The following FAM184A variants were observed in gnomAD, a reference collection of about 807,000 sequenced individuals.
FAM184A encodes the protein family with sequence similarity 184 member A.
A neutral mutation model predicts 143.8 loss-of-function variants in FAM184A; 99 were observed. The observed-to-expected ratio is 0.69, with a 90% CI of 0.58 to 0.81. The LOEUF (loss-of-function observed/expected upper bound fraction) is 0.81, where lower values mean the gene tolerates loss of function less well. Ranked by LOEUF, FAM184A falls within the 40% of genes least tolerant of loss-of-function variation. The pLI is 0.00. For missense variants in FAM184A, 1,217 were observed against 1,310.5 expected, an observed-to-expected ratio of 0.93 and a Z score of 1.10; for synonymous variants, 427 against 446.4, an observed-to-expected ratio of 0.96 and a Z score of 0.55.
chr6:119,099,709 A>C (rs528191772), intron 1 of FAM184A, among the ~76,000 whole-genome samples: 2 of 152,272 alleles, frequency 1.3e-5, no homozygotes, highest in South Asian at 4.1e-4. Flanking sequence ...GCAAGAGGAC[A>C]GGTTATGGGG....
chr6:119,142,956 A>C (rs1437141016), intron 1 of FAM184A, among the ~76,000 whole-genome samples: 1 of 152,188 alleles, frequency 6.6e-6, no homozygotes, highest in Non-Finnish European at 1.5e-5. Context: ...GATGGCAAAC[A>C]ATGGCGATAT....
At position 119,145,097 on chromosome 6, in the gene FAM184A, T is replaced by C. The variant is rs567002936; in HGVS notation, c.-202+3981A>G. On this transcript the variant is annotated intron_variant, in intron 1 of 16. Coordinates refer to the FAM184A transcript ENST00000352896. Reference sequence around the variant, plus strand: ...CCTTGTGCTGTAGCTGCAGCTGGTTTGTTCTTGAGTGGCACTGGCCAGAGA... The same window carrying C: ...CCTTGTGCTGTAGCTGCAGCTGGTTCGTTCTTGAGTGGCACTGGCCAGAGA... Among the ~76,000 whole-genome samples the C allele has an allele frequency of 1.2e-4, 19 of 152,314 alleles. 1 individual carries two copies. In the South Asian group the frequency reaches 3.9e-3, roughly 32 times the overall value.
chr6:119,058,229 G>A (rs184878371), intron 1 of FAM184A, among the ~76,000 whole-genome samples: 1 of 140,434 alleles, frequency 7.1e-6, no homozygotes, highest in East Asian at 2.1e-4. Context: ...TGTCGCCCAG[G>A]CTGGAGAGCA....
At position 119,068,665 on chromosome 6, in the gene FAM184A, G is replaced by C. The variant is rs1436624156; in HGVS notation, c.159+9476C>G. 2.0e-5 allele frequency among the ~76,000 whole-genome samples: 3 copies of C among 152,106 alleles called. No homozygotes were observed. In the East Asian group the frequency reaches 5.8e-4, roughly 29 times the overall value. On this transcript the variant is annotated intron_variant, in intron 1 of 17. Transcript: ENST00000338891. ...CTGCCTCACTGGGCCGTTTGGCTCT[G>C]GGAACAATGTGGCTCTCCGGCTGCC...
chr6:119,050,538 G>A (rs1037851970), intron 1 of FAM184A, among the ~76,000 whole-genome samples: 5 of 152,020 alleles, frequency 3.3e-5, no homozygotes, highest in Non-Finnish European at 5.9e-5. Flanking sequence ...CGGGCGCGGT[G>A]GCTCACGCCT....
intron 5 of FAM184A, among the ~76,000 whole-genome samples, chr6:119,016,512 T>G (rs1182614737): frequency 1.3e-5 from 2 of 151,784 alleles, no homozygotes; most frequent in African/African-American, 4.8e-5. Context: ...GGTCTGCAGC[T>G]TCACTCCTGA....
intron 1 of FAM184A, among the ~76,000 whole-genome samples, chr6:119,101,750 C>G (rs1412516142): frequency 6.6e-6 from 1 of 152,062 alleles, no homozygotes; most frequent in Non-Finnish European, 1.5e-5. Flanking sequence ...TAAAGACACA[C>G]AAAAAATTAA....
In FAM184A at chr6:119,096,642, CAAAAAAAAAAA is replaced by C. The variant is rs763619775; in HGVS notation, c.-202+52425_-202+52435del. On this transcript the variant is annotated intron_variant, in intron 1 of 16. Coordinates refer to the FAM184A transcript ENST00000352896. Reference sequence around the variant, plus strand: ...TGGGCGACAGAGCGAGACTCCATCTCAAAAAAAAAAAAAAAAAAAAAAAAAGAAAGAAAGAA... The same window carrying C: ...TGGGCGACAGAGCGAGACTCCATCTCAAAAAAAAAAAAAAGAAAGAAAGAA... Among the ~76,000 whole-genome samples, 6 of 20,648 alleles carry C rather than the reference CAAAAAAAAAAA, an allele frequency of 2.9e-4. 2 individuals carry two copies. Among genetic ancestry groups the C allele is most frequent in the African/African-American group, 1.2e-3 (6 of 5,206 alleles). 13.5% of individuals were successfully genotyped at this position (20,648 alleles called of 152,430 possible).
chr6:119,014,461 C>T (rs1472499051), intron 5 of FAM184A, among the ~76,000 whole-genome samples: 1 of 152,172 alleles, frequency 6.6e-6, no homozygotes, highest in Non-Finnish European at 1.5e-5. Context: ...TTACTATTAG[C>T]AAGCTGAATA....
At chr6:119,034,037 TATATAGAG>T (rs1291923332) in intron 1 of FAM184A, among the ~76,000 whole-genome samples, 1,052 of 42,018 alleles carry the variant, frequency 0.025, 8 homozygotes, top group East Asian at 0.036. Flanking sequence ...TATATATATA[TATATAGAG>T]AGAGAGAGAG....
At chr6:119,049,448 CA>C (rs1197358525) in intron 1 of FAM184A, among the ~76,000 whole-genome samples, 3 of 151,936 alleles carry the variant, frequency 2.0e-5, no homozygotes, top group African/African-American at 4.8e-5. Context: ...CACTTTGTCT[CA>C]AAAAATAAAA....
In FAM184A at chr6:119,121,216, C is replaced by G. The variant is rs564782907; in HGVS notation, c.-202+27862G>C. On this transcript the variant is annotated intron_variant, in intron 1 of 16. Transcript: ENST00000352896. ...GCAAGATCATGGCTCACTTTAGCCT[C>G]AACCTCCTGGGCTCAAGAGATCCTC... 2.6e-5 allele frequency among the ~76,000 whole-genome samples: 4 copies of G among 152,326 alleles called. No homozygotes were observed. The South Asian group carries it at 8.3e-4, about 32-fold the overall frequency.
In FAM184A at chr6:119,065,870, C is replaced by G. The variant is rs535134175; in HGVS notation, c.159+12271G>C. Among the ~76,000 whole-genome samples the G allele has an allele frequency of 3.3e-5, 5 of 152,328 alleles. No individual in the cohort carries two copies. In the South Asian group the frequency reaches 1.0e-3, roughly 32 times the overall value. On this transcript the variant is annotated intron_variant, in intron 1 of 17. Transcript: ENST00000338891. ...CCCATTTAATTTCCTTGATTCCCAT[C>G]TGTCTCTGCCAAGGGTGATCTATTT... is the stretch of plus-strand genomic sequence containing the variant.
At chr6:119,003,419 A>T (rs949905632) in intron 8 of FAM184A, 82 bp downstream of exon 8, 3 of 1,331,456 alleles carry the variant, frequency 2.3e-6, no homozygotes, top group Non-Finnish European at 3.1e-6. Flanking sequence ...CTATGTCTTT[A>T]ACAATAGGAT....
chr6:118,975,861 ACATT>A, intron 12 of FAM184A, 52 bp downstream of exon 12: 2 of 1,514,934 alleles, frequency 1.3e-6, no homozygotes, highest in East Asian at 4.6e-5. Context: ...GAAATTATGA[ACATT>A]CAATCTATTC....
In FAM184A at chr6:119,102,873, T is replaced by C. The variant is rs530200016; in HGVS notation, c.-202+46205A>G. On this transcript the variant is annotated intron_variant, in intron 1 of 16. Transcript: ENST00000352896. Reference sequence around the variant, plus strand: ...GAGAAGAACAATATGAGCTCTAAAGTAGGACAGACCTGCCAGGAAATGCTA... The same window carrying C: ...GAGAAGAACAATATGAGCTCTAAAGCAGGACAGACCTGCCAGGAAATGCTA... Among the ~76,000 whole-genome samples, 64 of 149,108 alleles carry C rather than the reference T, an allele frequency of 4.3e-4. 1 individual carries two copies. In the South Asian group the frequency reaches 0.013, roughly 31 times the overall value.
intron 1 of FAM184A, among the ~76,000 whole-genome samples, chr6:119,119,700 G>T (rs375474581): frequency 6.6e-6 from 1 of 152,122 alleles, no homozygotes; most frequent in African/African-American, 2.4e-5. Flanking sequence ...GCTAGGTGTC[G>T]TGGCTCATGC....
chr6:118,969,643 G>A (rs1409738772), intron 14 of FAM184A, among the ~76,000 whole-genome samples: 1 of 152,042 alleles, frequency 6.6e-6, no homozygotes, highest in Admixed American at 6.6e-5. Context: ...GTGAACAACT[G>A]GTGATACAGT....
rs537844173 is a variant in FAM184A at position 119,114,777 on chromosome 6, A to C, written c.-202+34301T>G. Among the ~76,000 whole-genome samples, 7 of 152,266 alleles carry C rather than the reference A, an allele frequency of 4.6e-5. No homozygotes were observed. In the South Asian group the frequency reaches 1.5e-3, roughly 32 times the overall value. On this transcript the variant is annotated intron_variant, in intron 1 of 16. Transcript: ENST00000352896. ...GGCTGGTCTTGAATGCCTGGGATCA[A>C]GCATTGGCCTCCCAAAATGCTAGGA...
Sources: gnomAD v4.1 joint callset for allele counts (sites outside exome capture counted in the v4.1 genomes callset) on GRCh38, gnomAD v4.1.1 for gene constraint, MANE v1.5 for transcripts, NCBI Gene and HGNC (gene_info 2026-07-23, HGNC 2026-07-21) for gene names.